Variants in PTPRN2 observed in about 807,000 individuals in gnomAD.
The protein encoded by PTPRN2 is protein tyrosine phosphatase receptor type N2.
PTPRN2 carries 74 observed loss-of-function variants against 118.8 expected under a neutral mutation model. The ratio of observed to expected loss-of-function variants is 0.62; its 90% CI spans 0.52 to 0.76. The LOEUF is 0.76. PTPRN2 is among the 30% of genes least tolerant of loss of function. The pLI is 0.00. For missense variants in PTPRN2, 1,481 were observed against 1,394.4 expected, an observed-to-expected ratio of 1.06 and a Z score of -0.99; for synonymous variants, 641 against 608.0, an observed-to-expected ratio of 1.05 and a Z score of -0.80.
intron 12 of PTPRN2, among the ~76,000 whole-genome samples, chr7:157,702,790 G>A (rs963327428): frequency 3.3e-5 from 5 of 152,178 alleles, no homozygotes; most frequent in African/African-American, 7.2e-5. Context: ...TCAAACACCC[G>A]CCGTCCTGCT....
chr7:157,918,166 G>A (rs2128767492), intron 11 of PTPRN2, among the ~76,000 whole-genome samples: 1 of 152,276 alleles, frequency 6.6e-6, no homozygotes, highest in Middle Eastern at 3.4e-3. Flanking sequence ...CTTCTGAAAT[G>A]GTAAATGTAA....
intron 14 of PTPRN2, among the ~76,000 whole-genome samples, chr7:157,650,459 G>A (rs1312389972): frequency 2.0e-5 from 3 of 152,262 alleles, no homozygotes; most frequent in Admixed American, 6.5e-5. Flanking sequence ...ACGGCCTGCC[G>A]TGTCTGTGAA....
intron 3 of PTPRN2, among the ~76,000 whole-genome samples, chr7:158,311,829 ATGCACACACACC>A (rs940693933): frequency 6.6e-6 from 1 of 151,760 alleles, no homozygotes; most frequent in Non-Finnish European, 1.5e-5. Context: ...ACCCACACAC[ATGCACACACACC>A]TGCACACACA....
intron 3 of PTPRN2, among the ~76,000 whole-genome samples, chr7:158,234,718 T>C (rs949569878): frequency 6.6e-6 from 1 of 152,170 alleles, no homozygotes; most frequent in Admixed American, 6.5e-5. Flanking sequence ...ATCAGAGAAA[T>C]ACAAATCAAA....
intron 2 of PTPRN2, among the ~76,000 whole-genome samples, chr7:158,399,268 G>C (rs769506639): frequency 6.6e-6 from 1 of 152,208 alleles, no homozygotes; most frequent in Non-Finnish European, 1.5e-5. Flanking sequence ...TGTTGAAAGT[G>C]GGTGTCAGTA....
At chr7:157,631,714 C>T (rs2150670656) in intron 14 of PTPRN2, among the ~76,000 whole-genome samples, 1 of 152,310 alleles carries the variant, frequency 6.6e-6, no homozygotes, top group South Asian at 2.1e-4. Context: ...CACCTGTAGT[C>T]CCAGCTACAC....
At chr7:157,553,456 C>T (rs929381705) in intron 21 of PTPRN2, among the ~76,000 whole-genome samples, 4 of 152,172 alleles carry the variant, frequency 2.6e-5, no homozygotes, top group African/African-American at 7.2e-5. Flanking sequence ...CTGTTGCTGG[C>T]GGCTGTCTCC....
chr7:158,273,883 G>C (rs1171833368), intron 3 of PTPRN2, among the ~76,000 whole-genome samples: 1 of 143,746 alleles, frequency 7.0e-6, no homozygotes, highest in Non-Finnish European at 1.5e-5. Flanking sequence ...AGGAGCCGCA[G>C]ACGCAGGAGG....
chr7:158,522,815 T>C (rs1824309277), intron 1 of PTPRN2, among the ~76,000 whole-genome samples: 1 of 152,148 alleles, frequency 6.6e-6, no homozygotes, highest in Non-Finnish European at 1.5e-5. Flanking sequence ...CAGCTCACCA[T>C]CACGAGTTCT....
chr7:158,234,075 G>T (rs184939848), intron 3 of PTPRN2, among the ~76,000 whole-genome samples: 194 of 151,978 alleles, frequency 1.3e-3, no homozygotes, highest in African/African-American at 4.4e-3. Flanking sequence ...AGATTTTTTT[G>T]GTAAGGCCTC....
intron 21 of PTPRN2, among the ~76,000 whole-genome samples, chr7:157,565,626 C>T (rs540417007): frequency 6.6e-6 from 1 of 152,356 alleles, no homozygotes; most frequent in East Asian, 1.9e-4. Context: ...GCTCAGCCCA[C>T]CTCATCTCTG....
At chr7:157,827,706 G>C (rs1035737134) in intron 12 of PTPRN2, among the ~76,000 whole-genome samples, 6 of 152,206 alleles carry the variant, frequency 3.9e-5, no homozygotes, top group Non-Finnish European at 8.8e-5. Flanking sequence ...CCAGGTGCTG[G>C]GGTGCCTTGG....
intron 22 of PTPRN2, among the ~76,000 whole-genome samples, chr7:157,546,743 C>T (rs1010788303): frequency 6.6e-5 from 10 of 152,158 alleles, no homozygotes; most frequent in African/African-American, 9.7e-5. Context: ...TGGAGTAGAA[C>T]GGAAGACCTG....
chr7:158,134,143 G>T, intron 8 of PTPRN2, 84 bp from the exon 9 acceptor site: 1 of 1,462,110 alleles, frequency 6.8e-7, no homozygotes, highest in Non-Finnish European at 9.3e-7. Flanking sequence ...CCGGGACAGA[G>T]TCACTGTGGG....
intron 11 of PTPRN2, among the ~76,000 whole-genome samples, chr7:157,909,356 G>A (rs1040630580): frequency 9.2e-5 from 14 of 152,284 alleles, no homozygotes; most frequent in African/African-American, 3.1e-4. Flanking sequence ...TGGGCCCCTC[G>A]ACAGCTGGAC....
intron 2 of PTPRN2, among the ~76,000 whole-genome samples, chr7:158,369,531 C>T (rs960539932): frequency 9.9e-5 from 15 of 152,112 alleles, no homozygotes; most frequent in African/African-American, 3.4e-4. Context: ...CGAGAGGAAA[C>T]GCCTCCCACT....
intron 11 of PTPRN2, among the ~76,000 whole-genome samples, chr7:157,910,878 A>G (rs1798068643): frequency 6.6e-6 from 1 of 152,242 alleles, no homozygotes; most frequent in Non-Finnish European, 1.5e-5. Context: ...ATGTTGCCCC[A>G]ATGTTTGGAT....
At chr7:157,976,805 A>T (rs1343014086) in intron 11 of PTPRN2, among the ~76,000 whole-genome samples, 1 of 151,928 alleles carries the variant, frequency 6.6e-6, no homozygotes, top group Non-Finnish European at 1.5e-5. Context: ...ACCTAAGCCC[A>T]TGTTGTCTTG....
chr7:157,730,491 C>T (rs1235567149), intron 12 of PTPRN2, among the ~76,000 whole-genome samples: 1 of 152,176 alleles, frequency 6.6e-6, no homozygotes, highest in Non-Finnish European at 1.5e-5. Context: ...AGGTGGTGCC[C>T]CAGGGGTGAC....
Sources: gnomAD v4.1 joint callset for allele counts (sites outside exome capture counted in the v4.1 genomes callset) on GRCh38, gnomAD v4.1.1 for gene constraint, MANE v1.5 for transcripts, NCBI Gene and HGNC (gene_info 2026-07-23, HGNC 2026-07-21) for gene names.